KANK1: variants seen among roughly 807,000 people sequenced by gnomAD.
KANK1 encodes the protein KN motif and ankyrin repeat domains 1.
In KANK1, 109 loss-of-function variants were observed where a neutral mutation model predicts 106.2. The ratio of observed to expected loss-of-function variants is 1.03; its 90% CI spans 0.88 to 1.20. The LOEUF (loss-of-function observed/expected upper bound fraction) is 1.20. Among genes scored for constraint, KANK1 ranks in the 50% most tolerant of loss-of-function variants. The pLI is 0.00. For synonymous variants in KANK1, 873 were observed against 652.2 expected (o/e 1.34, Z -5.16); for missense variants, 2,399 against 1,710.7 (o/e 1.40, Z -7.10).
rs1472494268 is a variant in KANK1, at chr9:740,850, C to A, written c.3612C>A (p.Ala1204=). The change falls in exon 9 of 12, where the codon GCC becomes GCA. Residue 1204 remains alanine (A), a synonymous_variant. Transcript: ENST00000382297. ...GCTACACCCCCATCATGTTGGCGGC[C>A]CTCGCCGCTGTGGAAGCAGAGAAGG... ...KAGYTPIMLA[A]LAAVEAEKDM... is the part of the protein sequence containing the mutation. The A allele has an allele frequency of 6.2e-7, 1 of 1,613,886 alleles. No individual in the cohort carries two copies. Among genetic ancestry groups the A allele is most frequent in the Admixed American group, 1.7e-5 (1 of 60,008 alleles).
At chr9:740,208 C>T (rs1010203794) in intron 8 of KANK1, among the ~76,000 whole-genome samples, 3 of 152,122 alleles carry the variant, frequency 2.0e-5, no homozygotes, top group South Asian at 4.1e-4. Flanking sequence ...TCTGGTTCAT[C>T]GATTCTGTTA....
chr9:554,506 A>G (rs920274411), intron 1 of KANK1, among the ~76,000 whole-genome samples: 1 of 152,228 alleles, frequency 6.6e-6, no homozygotes, highest in South Asian at 2.1e-4. Context: ...TTAATTTTAC[A>G]TAAACAGGCT....
chr9:676,724 C>T (rs1483109425), intron 1 of KANK1, among the ~76,000 whole-genome samples, 166 bp from the exon 2 acceptor site: 1 of 152,182 alleles, frequency 6.6e-6, no homozygotes, highest in Non-Finnish European at 1.5e-5. Context: ...GGTGTTATCT[C>T]CATACTGCCA....
intron 1 of KANK1, among the ~76,000 whole-genome samples, chr9:575,285 A>G (rs553415626): frequency 8.5e-5 from 13 of 152,240 alleles, no homozygotes; most frequent in African/African-American, 2.9e-4. Flanking sequence ...GCACAGAGAA[A>G]GTTAGTACAG....
At chr9:482,688 C>T (rs2058226331) in intron 3 of KANK1, among the ~76,000 whole-genome samples, 1 of 152,220 alleles carries the variant, frequency 6.6e-6, no homozygotes, top group Non-Finnish European at 1.5e-5. Context: ...AATGCACCCT[C>T]AATGGCACAG....
At chr9:577,238 C>T (rs1286203567) in intron 1 of KANK1, among the ~76,000 whole-genome samples, 2 of 152,224 alleles carry the variant, frequency 1.3e-5, no homozygotes, top group Non-Finnish European at 2.9e-5. Context: ...CCGCCCACGT[C>T]CTGCTGATTG....
At chr9:560,282 A>T (rs999268872) in intron 1 of KANK1, among the ~76,000 whole-genome samples, 1 of 152,196 alleles carries the variant, frequency 6.6e-6, no homozygotes, top group Non-Finnish European at 1.5e-5. Flanking sequence ...AGTTCTTAGG[A>T]TTTTTTATGG....
chr9:674,079 C>T (rs1283616977), intron 1 of KANK1: 3 of 152,012 alleles, frequency 2.0e-5, no homozygotes, highest in African/African-American at 7.2e-5. Flanking sequence ...TCTTAAAAGA[C>T]AGTGTTTATC....
At chr9:569,403 G>A (rs1371801621) in intron 1 of KANK1, among the ~76,000 whole-genome samples, 1 of 151,972 alleles carries the variant, frequency 6.6e-6, no homozygotes, top group Non-Finnish European at 1.5e-5. Flanking sequence ...ATGGATTAAT[G>A]GGTTATCAGG....
At chr9:505,210 C>T (rs1223975474) in intron 1 of KANK1, among the ~76,000 whole-genome samples, 2 of 152,170 alleles carry the variant, frequency 1.3e-5, no homozygotes, top group South Asian at 2.1e-4. Flanking sequence ...TGAAGCGGCT[C>T]TCCGTGGAGT....
chr9:542,694 A>G (rs1394871283), intron 1 of KANK1, among the ~76,000 whole-genome samples: 1 of 152,228 alleles, frequency 6.6e-6, no homozygotes, highest in Non-Finnish European at 1.5e-5. Context: ...AATGTGGTAT[A>G]TGTGTACACT....
intron 7 of KANK1, chr9:735,698 A>G (rs898758706): frequency 2.4e-6 from 1 of 412,712 alleles, no homozygotes; most frequent in Non-Finnish European, 5.2e-6. Flanking sequence ...TCTATATCAT[A>G]ATACCTAATA....
At chr9:582,767 C>G (rs1822492646) in intron 1 of KANK1, among the ~76,000 whole-genome samples, 2 of 152,202 alleles carry the variant, frequency 1.3e-5, no homozygotes, top group Admixed American at 6.5e-5. Flanking sequence ...GCCTCTTCAT[C>G]TAGAATTTCA....
chr9:533,293 G>C (rs1054499653), intron 1 of KANK1, among the ~76,000 whole-genome samples: 1 of 152,322 alleles, frequency 6.6e-6, no homozygotes, highest in South Asian at 2.1e-4. Context: ...TAGGTTAAGA[G>C]CATTAGTGTG....
At chr9:697,186 C>T (rs978175594) in intron 2 of KANK1, among the ~76,000 whole-genome samples, 1 of 151,828 alleles carries the variant, frequency 6.6e-6, no homozygotes, top group Non-Finnish European at 1.5e-5. Flanking sequence ...TTTTTCATGG[C>T]CATGATGGTT....
intron 1 of KANK1, among the ~76,000 whole-genome samples, chr9:505,357 G>A (rs902594857): frequency 6.6e-6 from 1 of 152,194 alleles, no homozygotes; most frequent in Non-Finnish European, 1.5e-5. Flanking sequence ...GGAGGCGGGG[G>A]AGGGGCGTGG....
chr9:630,074 G>T (rs10975485), intron 1 of KANK1, among the ~76,000 whole-genome samples: 9,095 of 151,380 alleles, frequency 0.06, 750 homozygotes, highest in East Asian at 0.24. Flanking sequence ...ATGGCAAAAC[G>T]CTGTCTCCAC....
At chr9:643,109 C>T (rs1452980086) in intron 1 of KANK1, among the ~76,000 whole-genome samples, 1 of 150,676 alleles carries the variant, frequency 6.6e-6, no homozygotes, top group Non-Finnish European at 1.5e-5. Context: ...TTGGAAAGAT[C>T]TTATTCTTTA....
intron 1 of KANK1, among the ~76,000 whole-genome samples, chr9:526,166 C>G (rs2059782602): frequency 6.6e-6 from 1 of 151,610 alleles, no homozygotes; most frequent in African/African-American, 2.4e-5. Context: ...AATGAGAAAC[C>G]TGAAAAATTC....
Sources: allele counts gnomAD v4.1 joint callset (sites outside exome capture counted in the v4.1 genomes callset), GRCh38; gene constraint gnomAD v4.1.1; transcripts MANE v1.5; gene names NCBI Gene and HGNC (gene_info 2026-07-23, HGNC 2026-07-21).